MANBA: variants seen among roughly 807,000 people sequenced by gnomAD.
The protein encoded by MANBA is beta-mannosidase.
A neutral mutation model predicts 111.1 loss-of-function variants in MANBA; 83 were observed. The observed-to-expected ratio is 0.75, with a 90% CI of 0.63 to 0.90. The LOEUF (loss-of-function observed/expected upper bound fraction) is 0.90. Among genes scored for constraint, MANBA ranks in the 40% least tolerant of loss-of-function variants. The pLI is 0.00. For synonymous variants in MANBA, 370 were observed against 378.7 expected, an observed-to-expected ratio of 0.98 and a Z score of 0.27; for missense variants, 1,036 against 1,069.0, an observed-to-expected ratio of 0.97 and a Z score of 0.43.
At chr4:102,752,359 C>A in intron 1 of MANBA, 1 of 1,351,416 alleles carries the variant, frequency 7.4e-7, no homozygotes, top group Non-Finnish European at 1.1e-6. Context: ...GTGGGATCCC[C>A]GAACTAAAGA....
At chr4:102,713,627 C>A (rs974500831) in intron 5 of MANBA, among the ~76,000 whole-genome samples, 3 of 152,102 alleles carry the variant, frequency 2.0e-5, no homozygotes, top group Non-Finnish European at 4.4e-5. Flanking sequence ...TTTGGCCAGG[C>A]GCAGTGGCTT....
intron 2 of MANBA, among the ~76,000 whole-genome samples, chr4:102,725,208 T>C (rs913091315): frequency 6.6e-6 from 1 of 152,194 alleles, no homozygotes; most frequent in African/African-American, 2.4e-5. Context: ...CTAAAAACCA[T>C]TGAATTATAT....
rs1244673574 is a variant in MANBA at position 102,682,146 on chromosome 4, CAAA to C, written c.960+7425_960+7427del. ...TAGGTAACAAAAGACAACTCTGTCT[CAAA>C]AAAAAAAAAAAAAAAAGTACTCCAA... On this transcript the variant is annotated intron_variant, in intron 7 of 16. Transcript: ENST00000647097. Among the ~76,000 whole-genome samples, 306 of 62,288 alleles carry C rather than the reference CAAA, an allele frequency of 4.9e-3. 2 individuals are homozygous for C. Among genetic ancestry groups the C allele is most frequent in the African/African-American group, 0.015 (283 of 19,150 alleles). 40.9% of individuals were successfully genotyped at this position (62,288 alleles called of 152,430 possible).
At chr4:102,675,966 G>A (rs562091983) in intron 7 of MANBA, among the ~76,000 whole-genome samples, 3 of 150,870 alleles carry the variant, frequency 2.0e-5, no homozygotes, top group Non-Finnish European at 3.0e-5. Flanking sequence ...ACAAGACTCC[G>A]TCTTGAAAAA....
chr4:102,680,169 T>C (rs1731899576), intron 7 of MANBA, among the ~76,000 whole-genome samples: 1 of 152,218 alleles, frequency 6.6e-6, no homozygotes, highest in Non-Finnish European at 1.5e-5. Context: ...TCTATGTAAA[T>C]GTTGATTTCC....
chr4:102,657,959 C>T, intron 11 of MANBA, 59 bp from the exon 12 acceptor site: 1 of 1,248,624 alleles, frequency 8.0e-7, no homozygotes, highest in Non-Finnish European at 1.2e-6. Context: ...AAGTATGTAT[C>T]ATTTACTTCT....
Position 102,714,544 on chromosome 4 carries a change from A to G in MANBA, c.567T>C (p.Ser189=), listed in dbSNP as rs774399025. The change falls in exon 5 of 17, where the codon AGT becomes AGC. Residue 189 remains serine (S), a synonymous_variant. Transcript: ENST00000647097. ...TAGGAAAGGAAGGCCCCCAGTCCCAACTAAAGGAACATTGCTCCTGCAATT... is the reference window on the plus strand; with the variant it reads ...TAGGAAAGGAAGGCCCCCAGTCCCAGCTAAAGGAACATTGCTCCTGCAATT... ...NFVRKEQCSF[S]WDWGPSFPTQ... 1.2e-6 allele frequency: 2 copies of G among 1,608,770 alleles called. No individual in the cohort carries two copies. Among genetic ancestry groups the G allele is most frequent in the African/African-American group, 2.7e-5 (2 of 74,818 alleles).
intron 1 of MANBA, among the ~76,000 whole-genome samples, chr4:102,754,781 C>A (rs1390396363): frequency 6.6e-6 from 1 of 152,160 alleles, no homozygotes; most frequent in Non-Finnish European, 1.5e-5. Flanking sequence ...TGGTCTCGAT[C>A]TCCCGACCTC....
intron 1 of MANBA, chr4:102,727,787 G>A: frequency 1.5e-6 from 1 of 677,732 alleles, no homozygotes. Context: ...TTCTTGCAGT[G>A]GTGCTTTTAA....
intron 1 of MANBA, among the ~76,000 whole-genome samples, chr4:102,733,502 T>C (rs1195953412): frequency 6.6e-6 from 1 of 152,128 alleles, no homozygotes; most frequent in African/African-American, 2.4e-5. Context: ...TACAGATGTA[T>C]GCCACCACTC....
At chr4:102,756,593 C>G (rs866913478) in intron 1 of MANBA, among the ~76,000 whole-genome samples, 1 of 150,800 alleles carries the variant, frequency 6.6e-6, no homozygotes, top group Non-Finnish European at 1.5e-5. Context: ...CAAACCTGCA[C>G]GTTGTGCACA....
At chr4:102,699,403 G>A (rs1222794623) in intron 5 of MANBA, among the ~76,000 whole-genome samples, 9 of 152,106 alleles carry the variant, frequency 5.9e-5, no homozygotes, top group Middle Eastern at 3.4e-3. Flanking sequence ...TGTTGAATAG[G>A]AATGGTGAGA....
At chr4:102,680,411 C>T (rs950824393) in intron 7 of MANBA, among the ~76,000 whole-genome samples, 1 of 152,166 alleles carries the variant, frequency 6.6e-6, no homozygotes, top group Non-Finnish European at 1.5e-5. Flanking sequence ...CACGTGTCCA[C>T]ATTTTCTTTG....
rs141230920 is a variant in MANBA, at chr4:102,664,750, G to A, written c.1420C>T (p.Arg474Trp). Residue 474 changes from arginine to tryptophan, a missense_variant, in exon 11 of 17, where the codon CGG becomes TGG. By Grantham distance (101) the Arg-to-Trp change is moderately radical. Transcript: ENST00000647097. The part of the protein sequence containing the change: ...MNWYHISFTD[R>W]PIYIKDYVTL... ...ACATAGTCCTTGATGTAGATTGGCC[G>A]GTCAGTGAAACTGATATGATACCAA... The A allele has an allele frequency of 4.3e-5, 69 of 1,612,666 alleles. No homozygotes were observed. The African/African-American group carries it at 6.4e-4, about 15-fold the overall frequency.
At chr4:102,671,209 C>A in intron 9 of MANBA, 72 bp downstream of exon 9, 1 of 966,372 alleles carries the variant, frequency 1.0e-6, no homozygotes. Context: ...GCAATTGCAT[C>A]ATTCAGAACA....
intron 4 of MANBA, among the ~76,000 whole-genome samples, chr4:102,716,177 T>C (rs113218472): frequency 0.092 from 13,888 of 151,314 alleles, 1,690 homozygotes; most frequent in African/African-American, 0.28. Flanking sequence ...GGTGTGGTGG[T>C]ATATGCCTGT....
At position 102,722,871 on chromosome 4, in the gene MANBA, C is replaced by T; in HGVS notation, c.549G>A (p.Lys183=). The part of the protein sequence containing the change: ...KGECHVNFVR[K]EQCSFSWDWG... ...CCCGACCTGTTTGAGAGACCATTAC[C>T]TTCCGAACAAAGTTGACATGGCATT... The change falls in exon 4 of 17, where the codon AAG becomes AAA. Residue 183 remains lysine (K), a splice_region_variant and synonymous_variant. Transcript: ENST00000647097. 1 of 1,614,064 alleles carries T rather than the reference C, an allele frequency of 6.2e-7. No individual in the cohort carries two copies. The highest frequency in any genetic ancestry group is 8.5e-7 in the Non-Finnish European group (1 of 1,179,934).
At chr4:102,717,720 C>A in intron 4 of MANBA, among the ~76,000 whole-genome samples, 1 of 152,108 alleles carries the variant, frequency 6.6e-6, no homozygotes, top group East Asian at 1.9e-4. Flanking sequence ...GAAGGAACAG[C>A]ATGTGCAAAG....
intron 11 of MANBA, among the ~76,000 whole-genome samples, chr4:102,661,735 T>C (rs1174459663): frequency 6.6e-6 from 1 of 152,224 alleles, no homozygotes; most frequent in African/African-American, 2.4e-5. Context: ...ATAAATCCTT[T>C]ATTCTTGAGG....
Sources: gnomAD v4.1 joint callset for allele counts (sites outside exome capture counted in the v4.1 genomes callset) on GRCh38, gnomAD v4.1.1 for gene constraint, MANE v1.5 for transcripts, NCBI Gene and HGNC (gene_info 2026-07-23, HGNC 2026-07-21) for gene names.